The following TIMP2 variants were observed in gnomAD, a reference collection of about 807,000 sequenced individuals.
TIMP2 encodes metalloproteinase inhibitor 2.
TIMP2 carries 5 observed loss-of-function variants against 24.3 expected under a neutral mutation model. That is an observed-to-expected ratio of 0.21 (90% CI 0.11 to 0.43). The LOEUF is 0.43. Ranked by LOEUF, TIMP2 falls within the 20% of genes least tolerant of loss-of-function variation. TIMP2 has a pLI of 1.00. For missense variants in TIMP2, 221 were observed against 297.5 expected, an observed-to-expected ratio of 0.74 and a Z score of 1.89; for synonymous variants, 130 against 123.2, an observed-to-expected ratio of 1.06 and a Z score of -0.37.
chr17:78,907,419 A>G (rs991785699), intron 1 of TIMP2, among the ~76,000 whole-genome samples: 1 of 152,238 alleles, frequency 6.6e-6, no homozygotes, highest in Non-Finnish European at 1.5e-5. Context: ...GAGAGAGACC[A>G]GAAGCCGCCA....
At chr17:78,871,474 A>G (rs2069684484) in intron 2 of TIMP2, among the ~76,000 whole-genome samples, 1 of 151,402 alleles carries the variant, frequency 6.6e-6, no homozygotes, top group Admixed American at 6.6e-5. Flanking sequence ...AAAAAAAGAA[A>G]AGAAAAAGAC....
At chr17:78,864,527 G>A (rs1251773850) in intron 3 of TIMP2, among the ~76,000 whole-genome samples, 4 of 152,192 alleles carry the variant, frequency 2.6e-5, no homozygotes, top group African/African-American at 9.6e-5. Flanking sequence ...ACAGGTGTGA[G>A]CCACTATGGT....
At chr17:78,857,398 A>G in intron 4 of TIMP2, 124 bp downstream of exon 4, 1 of 1,333,374 alleles carries the variant, frequency 7.5e-7, no homozygotes, top group Non-Finnish European at 1.0e-6. Flanking sequence ...ACCTTCCCAG[A>G]GCCTGGTCTT....
intron 1 of TIMP2, chr17:78,897,092 A>G: frequency 5.7e-6 from 4 of 697,520 alleles, no homozygotes; most frequent in Non-Finnish European, 6.9e-6. Context: ...GCCCACAGAC[A>G]GCACCCCCCC....
intron 1 of TIMP2, among the ~76,000 whole-genome samples, chr17:78,893,146 C>G (rs1169345906): frequency 7.1e-5 from 8 of 112,036 alleles, no homozygotes; most frequent in Non-Finnish European, 1.3e-4. Context: ...TGTGTGCGTA[C>G]ATGTGTGTGC....
intron 1 of TIMP2, chr17:78,897,174 G>T: frequency 5.3e-6 from 1 of 189,988 alleles, no homozygotes. Flanking sequence ...GGCATCGGGG[G>T]GCGGGGGGCA....
At chr17:78,922,571 A>C (rs1312071193) in intron 1 of TIMP2, among the ~76,000 whole-genome samples, 1 of 152,206 alleles carries the variant, frequency 6.6e-6, no homozygotes, top group African/African-American at 2.4e-5. Flanking sequence ...TAATCCCAGC[A>C]CTTTGGGAGG....
At chr17:78,881,550 C>T (rs931223281) in intron 1 of TIMP2, among the ~76,000 whole-genome samples, 19 of 152,282 alleles carry the variant, frequency 1.2e-4, no homozygotes, top group African/African-American at 3.6e-4. Flanking sequence ...TAGACGCAAA[C>T]GCGGTAACTG....
chr17:78,877,495 G>A (rs900551399), intron 1 of TIMP2, among the ~76,000 whole-genome samples: 51 of 152,044 alleles, frequency 3.4e-4, no homozygotes, highest in African/African-American at 1.2e-3. Context: ...GTTGCAGTGA[G>A]CTGAGATCAT....
intron 1 of TIMP2, among the ~76,000 whole-genome samples, chr17:78,889,281 G>A (rs1275055868): frequency 1.3e-5 from 2 of 152,224 alleles, no homozygotes; most frequent in African/African-American, 2.4e-5. Context: ...CATGGCTCTG[G>A]TGGATGCCAG....
At chr17:78,894,487 T>A (rs1381845265) in intron 1 of TIMP2, among the ~76,000 whole-genome samples, 1 of 152,132 alleles carries the variant, frequency 6.6e-6, no homozygotes, top group Non-Finnish European at 1.5e-5. Flanking sequence ...GAGAGAAAGC[T>A]GGGCCCTTCA....
intron 1 of TIMP2, among the ~76,000 whole-genome samples, chr17:78,913,233 C>G (rs981235324): frequency 1.3e-5 from 2 of 151,896 alleles, no homozygotes; most frequent in Non-Finnish European, 2.9e-5. Context: ...CTGCAGGGCT[C>G]TAACAACAGC....
At chr17:78,905,541 T>C (rs1489738042) in intron 1 of TIMP2, among the ~76,000 whole-genome samples, 1 of 152,230 alleles carries the variant, frequency 6.6e-6, no homozygotes, top group East Asian at 1.9e-4. Context: ...GGGGAGAGGT[T>C]CTAGTGAGGA....
In TIMP2 at chr17:78,875,085, C is replaced by T. The variant is rs146422941; in HGVS notation, c.131-1166G>A. ...TAGAGACAGGGTTTCATCATGTTGG[C>T]CAGGCTGTTCTCGAACTCCTGACTT... On this transcript the variant is annotated intron_variant, in intron 1 of 4. Transcript: ENST00000262768. Among the ~76,000 whole-genome samples, 531 of 152,246 alleles carry T rather than the reference C, an allele frequency of 3.5e-3. 3 individuals are homozygous for T. Among genetic ancestry groups the T allele is most frequent in the African/African-American group, 0.012 (508 of 41,550 alleles).
intron 1 of TIMP2, chr17:78,890,779 C>T (rs965602953): frequency 9.0e-6 from 14 of 1,550,468 alleles, no homozygotes; most frequent in African/African-American, 6.8e-5. Context: ...GGCTGGTGCC[C>T]GATGGGGAAG....
chr17:78,853,641 T>G lies in TIMP2; in HGVS notation c.*2026A>C, dbSNP rs1395084703. On this transcript the variant is annotated 3_prime_UTR_variant, in exon 5 of 5. Coordinates refer to ENST00000262768, the MANE Select transcript of TIMP2 (RefSeq NM_003255.5). ...AAAGACCTGAAGGAATCCACCTGCA[T>G]AGGCCACGCGTTCCACTCTGGGTCA... is the stretch of plus-strand genomic sequence containing the variant. The G allele has an allele frequency of 6.6e-6, 1 of 152,640 alleles. No individual in the cohort carries two copies. 9.5% of individuals were successfully genotyped at this position (152,640 alleles called of 1,614,324 possible). A position where few individuals can be genotyped will look rare whatever the true frequency, so the allele number is the denominator to read the frequency against.
rs781432243 is a variant in TIMP2 at position 78,870,424 on chromosome 17, AGAAAGAAAG to A, written c.340+465_340+473del. Among the ~76,000 whole-genome samples the A allele has an allele frequency of 4.3e-5, 6 of 139,906 alleles. 1 individual carries two copies. Among genetic ancestry groups the A allele is most frequent in the African/African-American group, 8.1e-5 (3 of 36,834 alleles). 91.8% of individuals were successfully genotyped at this position (139,906 alleles called of 152,430 possible). A position where few individuals can be genotyped will look rare whatever the true frequency, so the allele number is the denominator to read the frequency against. On this transcript the variant is annotated intron_variant, in intron 3 of 4. Coordinates refer to ENST00000262768, the MANE Select transcript of TIMP2 (RefSeq NM_003255.5). ...GAGCGACACTCTGTCTCAAAAAAAA[AGAAAGAAAG>A]AAAGAAAGAAAGAAAGAAAATGGTT...
At position 78,855,151 on chromosome 17, in the gene TIMP2, G is replaced by A. The variant is rs558564985; in HGVS notation, c.*516C>T. 89 of 161,260 alleles carry A rather than the reference G, an allele frequency of 5.5e-4. No homozygotes were observed. The highest frequency in any genetic ancestry group is 2.0e-3 in the African/African-American group (82 of 41,788). The allele number at this position is 161,260 out of a possible 1,614,324, so 10.0% of individuals were successfully genotyped here. ...GTGCTGGGAGCTCATGGTGGGCACC[G>A]GGGCGATGGGAGCACTTGCCAGGGG... is the stretch of plus-strand genomic sequence containing the variant. On this transcript the variant is annotated 3_prime_UTR_variant, in exon 5 of 5. Coordinates refer to ENST00000262768, the MANE Select transcript of TIMP2 (RefSeq NM_003255.5). This position sits in a 1 kb window ranked among gnomAD's most constrained non-coding sequence, Gnocchi z 6.0.
chr17:78,889,234 C>T (rs1199762685), intron 1 of TIMP2, among the ~76,000 whole-genome samples: 1 of 152,166 alleles, frequency 6.6e-6, no homozygotes, highest in African/African-American at 2.4e-5. Context: ...CCTAAGACTG[C>T]AATTGGCAGA....
Sources: allele counts gnomAD v4.1 joint callset (sites outside exome capture counted in the v4.1 genomes callset), GRCh38; gene constraint gnomAD v4.1.1; non-coding constraint Gnocchi (gnomAD v3.1); transcripts MANE v1.5; gene names NCBI Gene and HGNC (gene_info 2026-07-23, HGNC 2026-07-21).